Variants in RGS17 observed in about 807,000 individuals in gnomAD.
RGS17 encodes the protein regulator of G protein signaling 17, also known as regulator of G-protein signaling 17.
In RGS17, 12 loss-of-function variants were observed where a neutral mutation model predicts 25.5. The observed-to-expected ratio is 0.47, with a 90% CI of 0.30 to 0.76. The LOEUF is 0.76. RGS17 is among the 30% of genes least tolerant of loss of function. RGS17 has a pLI of 0.07. For missense variants in RGS17, 196 were observed against 242.2 expected (o/e 0.81, Z 1.27); for synonymous variants, 71 against 76.9 (o/e 0.92, Z 0.40).
chr6:153,079,771 T>C (rs1441108471), intron 1 of RGS17, among the ~76,000 whole-genome samples: 1 of 152,168 alleles, frequency 6.6e-6, no homozygotes, highest in African/African-American at 2.4e-5. Context: ...GTTTTTTTAA[T>C]TTAATGTTCA....
At chr6:153,046,375 T>C (rs1196146805) in intron 1 of RGS17, among the ~76,000 whole-genome samples, 1 of 152,032 alleles carries the variant, frequency 6.6e-6, no homozygotes, top group African/African-American at 2.4e-5. Flanking sequence ...TGATAAATGT[T>C]TAAGACGATG....
chr6:153,054,715 C>T (rs1186728105), intron 1 of RGS17, among the ~76,000 whole-genome samples: 1 of 146,786 alleles, frequency 6.8e-6, no homozygotes, highest in Non-Finnish European at 1.5e-5. Flanking sequence ...GACTTTCACT[C>T]TCTTCTATGT....
At chr6:153,067,546 T>G (rs568378640) in intron 1 of RGS17, among the ~76,000 whole-genome samples, 37 of 152,118 alleles carry the variant, frequency 2.4e-4, no homozygotes, top group Admixed American at 7.2e-4. Context: ...CCAAAAAAAG[T>G]AATCCCATTA....
rs1205547397 is a variant in RGS17 at position 153,007,562 on chromosome 6, TTCTG to T, written c.*4008_*4011del. 2 of 151,934 alleles carry T rather than the reference TTCTG, an allele frequency of 1.3e-5. No individual in the cohort carries two copies. The highest frequency in any genetic ancestry group is 4.8e-5 in the African/African-American group (2 of 41,390). 9.4% of individuals were successfully genotyped at this position (151,934 alleles called of 1,614,324 possible). Reference sequence around the variant, plus strand: ...TGATAGGCTTCTATCTATAGGCATTTTCTGTCTAAGACTTAAAAATATTATTATT... The same window carrying T: ...TGATAGGCTTCTATCTATAGGCATTTTCTAAGACTTAAAAATATTATTATT... On this transcript the variant is annotated 3_prime_UTR_variant, in exon 5 of 5. Transcript: ENST00000206262.
intron 1 of RGS17, among the ~76,000 whole-genome samples, chr6:153,068,434 G>T (rs905545651): frequency 6.6e-6 from 1 of 152,148 alleles, no homozygotes; most frequent in Admixed American, 6.5e-5. Context: ...GTGACAGAGT[G>T]AGACTCCATC....
chr6:153,087,959 A>T (rs1210005593), intron 1 of RGS17, among the ~76,000 whole-genome samples: 1 of 152,208 alleles, frequency 6.6e-6, no homozygotes, highest in Non-Finnish European at 1.5e-5. Flanking sequence ...GAATAAGACC[A>T]AAGTGATGAG....
intron 1 of RGS17, among the ~76,000 whole-genome samples, chr6:153,114,757 A>G (rs1380904305): frequency 6.6e-6 from 1 of 152,232 alleles, no homozygotes; most frequent in Non-Finnish European, 1.5e-5. Flanking sequence ...CATCCCTGGG[A>G]TGCAAGGCTA....
intron 1 of RGS17, among the ~76,000 whole-genome samples, chr6:153,127,874 C>A (rs914831225): frequency 6.6e-6 from 1 of 152,062 alleles, no homozygotes; most frequent in Admixed American, 6.5e-5. Flanking sequence ...AAGACTTTTG[C>A]GAGCCATGTC....
At chr6:153,061,610 C>A (rs145665012) in intron 1 of RGS17, among the ~76,000 whole-genome samples, 1 of 152,094 alleles carries the variant, frequency 6.6e-6, no homozygotes, top group African/African-American at 2.4e-5. Flanking sequence ...ATTTAAGATA[C>A]TTATACAAAC....
chr6:153,069,592 T>G (rs1159838125), intron 1 of RGS17, among the ~76,000 whole-genome samples: 1 of 152,158 alleles, frequency 6.6e-6, no homozygotes, highest in African/African-American at 2.4e-5. Context: ...TAATTGTACA[T>G]TTTAAAATCA....
intron 4 of RGS17, among the ~76,000 whole-genome samples, chr6:153,020,134 ATATATTTTTTTTTTTTTTTT>A (rs1323998734): frequency 1.1e-4 from 8 of 69,662 alleles, no homozygotes; most frequent in East Asian, 4.3e-4. Flanking sequence ...ATATATATAT[ATATATTTTTTTTTTTTTTTT>A]TTTTTTTTTT....
intron 1 of RGS17, among the ~76,000 whole-genome samples, chr6:153,118,692 G>A (rs898432984): frequency 6.6e-6 from 1 of 151,892 alleles, no homozygotes; most frequent in Admixed American, 6.6e-5. Context: ...TATTTAAGCT[G>A]CCCCAAACTT....
chr6:153,100,358 T>C (rs999682881), intron 1 of RGS17, among the ~76,000 whole-genome samples: 10 of 152,214 alleles, frequency 6.6e-5, no homozygotes, highest in Non-Finnish European at 1.2e-4. Flanking sequence ...TACTTGTTTA[T>C]ATCCTGACAT....
At chr6:153,075,974 G>A (rs1776872057) in intron 1 of RGS17, among the ~76,000 whole-genome samples, 1 of 152,050 alleles carries the variant, frequency 6.6e-6, no homozygotes, top group South Asian at 2.1e-4. Context: ...GTGGAAATAG[G>A]GACAGTTAGA....
chr6:153,128,085 C>A (rs957343195), intron 1 of RGS17, among the ~76,000 whole-genome samples: 1 of 152,106 alleles, frequency 6.6e-6, no homozygotes, highest in African/African-American at 2.4e-5. Context: ...CACTGAAAGT[C>A]TTGGCTACCT....
chr6:153,036,497 C>T (rs1457883891), intron 2 of RGS17, among the ~76,000 whole-genome samples: 1 of 152,164 alleles, frequency 6.6e-6, no homozygotes, highest in Non-Finnish European at 1.5e-5. Flanking sequence ...GGAATACTCA[C>T]CAGGGCGAAT....
chr6:153,017,624 T>C (rs190218340), intron 4 of RGS17, among the ~76,000 whole-genome samples: 1 of 152,336 alleles, frequency 6.6e-6, no homozygotes, highest in East Asian at 1.9e-4. Flanking sequence ...ATGGACATTT[T>C]TGGCATAATT....
rs1038095813 is a variant in RGS17, at chr6:153,010,804, G to C, written c.*770C>G. On this transcript the variant is annotated 3_prime_UTR_variant, in exon 5 of 5. Coordinates refer to ENST00000206262, the MANE Select transcript of RGS17 (RefSeq NM_012419.5). Reference sequence around the variant, plus strand: ...CATAAATTCATTTTCTTCTATTACAGTTAAAAGCAATATCACTCTTTTGAT... The same window carrying C: ...CATAAATTCATTTTCTTCTATTACACTTAAAAGCAATATCACTCTTTTGAT... 6.6e-6 allele frequency: 1 copy of C among 150,718 alleles called. No individual in the cohort carries two copies. Among genetic ancestry groups the C allele is most frequent in the African/African-American group, 2.4e-5 (1 of 41,048 alleles). 9.3% of individuals were successfully genotyped at this position (150,718 alleles called of 1,614,324 possible).
chr6:153,125,702 A>C (rs1239795617), intron 1 of RGS17, among the ~76,000 whole-genome samples: 1 of 152,058 alleles, frequency 6.6e-6, no homozygotes, highest in Non-Finnish European at 1.5e-5. Flanking sequence ...ATAATACAAA[A>C]ATTAGCTGGG....
Sources: gnomAD v4.1 joint callset for allele counts (sites outside exome capture counted in the v4.1 genomes callset) on GRCh38, gnomAD v4.1.1 for gene constraint, MANE v1.5 for transcripts, NCBI Gene and HGNC (gene_info 2026-07-23, HGNC 2026-07-21) for gene names.